SLC38A9: variants seen among roughly 807,000 people sequenced by gnomAD.
SLC38A9 encodes solute carrier family 38 member 9, also known as neutral amino acid transporter 9.
A neutral mutation model predicts 62.3 loss-of-function variants in SLC38A9; 48 were observed. The ratio of observed to expected loss-of-function variants is 0.77; its 90% CI spans 0.61 to 0.98. SLC38A9 has a LOEUF of 0.98. Among genes scored for constraint, SLC38A9 ranks in the 50% least tolerant of loss-of-function variants. The pLI is 0.00. For missense variants in SLC38A9, 541 were observed against 679.8 expected (o/e 0.80, Z 2.27); for synonymous variants, 204 against 227.7 (o/e 0.90, Z 0.94).
At chr5:55,656,176 T>A (rs554159151) in intron 9 of SLC38A9, among the ~76,000 whole-genome samples, 1 of 151,652 alleles carries the variant, frequency 6.6e-6, no homozygotes, top group East Asian at 1.9e-4. Flanking sequence ...AAATGTTGCC[T>A]AGCTCACATT....
At chr5:55,630,530 A>G (rs951730749) in intron 14 of SLC38A9, among the ~76,000 whole-genome samples, 4 of 152,062 alleles carry the variant, frequency 2.6e-5, no homozygotes, top group Non-Finnish European at 5.9e-5. Flanking sequence ...GGTGGCCAGG[A>G]TGGTCTCGAT....
intron 12 of SLC38A9, among the ~76,000 whole-genome samples, chr5:55,637,820 CA>C (rs139048269): frequency 0.049 from 7,428 of 152,200 alleles, 307 homozygotes; most frequent in African/African-American, 0.11. Flanking sequence ...AAACTAAGTG[CA>C]GCAAGGTTAC....
At chr5:55,691,938 G>A (rs1029051457) in intron 3 of SLC38A9, among the ~76,000 whole-genome samples, 1 of 152,180 alleles carries the variant, frequency 6.6e-6, no homozygotes, top group Non-Finnish European at 1.5e-5. Flanking sequence ...AAAAGGATAA[G>A]CGAACCATCA....
At chr5:55,643,218 C>T (rs1484616492) in intron 12 of SLC38A9, among the ~76,000 whole-genome samples, 1 of 152,196 alleles carries the variant, frequency 6.6e-6, no homozygotes, top group Non-Finnish European at 1.5e-5. Flanking sequence ...TACAGCTATA[C>T]ATTTCCCTGT....
At chr5:55,688,275 C>A (rs1285195182) in intron 3 of SLC38A9, among the ~76,000 whole-genome samples, 1 of 152,038 alleles carries the variant, frequency 6.6e-6, no homozygotes, top group African/African-American at 2.4e-5. Context: ...ATTGCTCTGG[C>A]CAGAACTTCC....
intron 12 of SLC38A9, among the ~76,000 whole-genome samples, chr5:55,643,227 G>A (rs1266627963): frequency 6.6e-6 from 1 of 152,144 alleles, no homozygotes. Flanking sequence ...ACATTTCCCT[G>A]TAAGCACTGC....
intron 3 of SLC38A9, among the ~76,000 whole-genome samples, chr5:55,688,709 T>G (rs79773949): frequency 7.9e-5 from 2 of 25,456 alleles, no homozygotes. Flanking sequence ...AGCAATTATT[T>G]TTAATACCCC....
At chr5:55,710,620 G>C (rs1757895756) in intron 2 of SLC38A9, among the ~76,000 whole-genome samples, 1 of 151,670 alleles carries the variant, frequency 6.6e-6, no homozygotes, top group Non-Finnish European at 1.5e-5. Context: ...TTTAGTTTTT[G>C]TTTTTGTTTT....
At chr5:55,662,034 A>G (rs1749663625) in intron 8 of SLC38A9, among the ~76,000 whole-genome samples, 1 of 152,182 alleles carries the variant, frequency 6.6e-6, no homozygotes, top group South Asian at 2.1e-4. Flanking sequence ...ACTTTCATAA[A>G]CTGTTGGCAG....
intron 12 of SLC38A9, among the ~76,000 whole-genome samples, chr5:55,639,028 G>C (rs950976693): frequency 6.6e-6 from 1 of 152,062 alleles, no homozygotes; most frequent in Admixed American, 6.5e-5. Flanking sequence ...CAAAAGAATA[G>C]AAATGATGGC....
At chr5:55,630,128 T>C (rs1165914866) in intron 14 of SLC38A9, among the ~76,000 whole-genome samples, 2 of 152,310 alleles carry the variant, frequency 1.3e-5, no homozygotes, top group East Asian at 1.9e-4. Flanking sequence ...TCCACAATTA[T>C]ATGAAAAAGC....
rs568996655 is a variant in SLC38A9 at position 55,652,707 on chromosome 5, G to T, written c.774C>A (p.Ala258=). 6.2e-7 allele frequency: 1 copy of T among 1,611,778 alleles called. No individual in the cohort carries two copies. Among genetic ancestry groups the T allele is most frequent in the Non-Finnish European group, 8.5e-7 (1 of 1,178,826 alleles). The change falls in exon 10 of 16, where the codon GCC becomes GCA. Residue 258 remains alanine (A), a synonymous_variant. Transcript: ENST00000396865. ...NNSNPVICPS[A]GSGGHPDNSS... ...TGTTGTCAGGATGGCCTCCACTCCC[G>T]GCACTTGGACAAATCACTGCAATAG...
chr5:55,650,667 C>A (rs1747226706), intron 10 of SLC38A9, among the ~76,000 whole-genome samples: 1 of 152,166 alleles, frequency 6.6e-6, no homozygotes, highest in Non-Finnish European at 1.5e-5. Context: ...TTCTGTGTGT[C>A]TATGGCAGCT....
intron 8 of SLC38A9, among the ~76,000 whole-genome samples, chr5:55,659,388 TTA>T (rs1749062909): frequency 6.8e-6 from 1 of 146,166 alleles, no homozygotes; most frequent in African/African-American, 2.5e-5. Context: ...GTTTTTTTTT[TTA>T]TTTTATTTTG....
In SLC38A9 at chr5:55,688,467, C is replaced by T. The variant is rs1754269410; in HGVS notation, c.113+9379G>A. Reference sequence around the variant, plus strand: ...CGATCCCGGCTCACTGCAAGCTCTGCCTCCCGGGTTCACACCATTCTCCTG... The same window carrying T: ...CGATCCCGGCTCACTGCAAGCTCTGTCTCCCGGGTTCACACCATTCTCCTG... On this transcript the variant is annotated intron_variant, in intron 3 of 15. Transcript: ENST00000396865. 4.1e-5 allele frequency among the ~76,000 whole-genome samples: 6 copies of T among 146,898 alleles called. No individual in the cohort carries two copies. In the Admixed American group the frequency reaches 4.2e-4, roughly 10 times the overall value.
rs778412855 is a variant in SLC38A9, at chr5:55,656,782, T to C, written c.698-8A>G. The C allele has an allele frequency of 5.5e-6, 8 of 1,461,372 alleles. No homozygotes were observed. The highest frequency in any genetic ancestry group is 7.6e-6 in the Non-Finnish European group (8 of 1,052,030). The allele number at this position is 1,461,372 out of a possible 1,614,324, so 90.5% of individuals were successfully genotyped here. A position where few individuals can be genotyped will look rare whatever the true frequency, so the allele number is the denominator to read the frequency against. ...TAATGTGATGAATAAAATCTAAAAA[T>C]AAAGGAAAAAATATAGTTTAACACT... On this transcript the variant is annotated splice_region_variant and splice_polypyrimidine_tract_variant and intron_variant, in intron 8 of 15. Coordinates refer to ENST00000396865, the MANE Select transcript of SLC38A9 (RefSeq NM_173514.4).
chr5:55,659,265 A>G (rs1333756031), intron 8 of SLC38A9, among the ~76,000 whole-genome samples: 1 of 133,952 alleles, frequency 7.5e-6, no homozygotes, highest in East Asian at 2.1e-4. Context: ...CCATCAATAT[A>G]TACATATAGA....
At position 55,626,591 on chromosome 5, in the gene SLC38A9, A is replaced by T. The variant is rs1742459117; in HGVS notation, c.1589T>A (p.Leu530His). ...CCATGTCAGACGCTCTTCTTGGTGGAGGGAAATTATATAGATGAGAGATGG... is the reference window on the plus strand; with the variant it reads ...CCATGTCAGACGCTCTTCTTGGTGGTGGGAAATTATATAGATGAGAGATGG... ...IYPSLIYIIS[L>H]HQEERLTWPK... The change falls in exon 16 of 16, where the codon CTC becomes CAC. Residue 530 changes from leucine (L) to histidine (H), a missense_variant. Coordinates refer to ENST00000396865, the MANE Select transcript of SLC38A9 (RefSeq NM_173514.4). 1 of 1,613,854 alleles carries T rather than the reference A, an allele frequency of 6.2e-7. No homozygotes were observed. Among genetic ancestry groups the T allele is most frequent in the Admixed American group, 1.7e-5 (1 of 59,988 alleles).
intron 12 of SLC38A9, among the ~76,000 whole-genome samples, chr5:55,642,485 G>C (rs1054134701): frequency 1.3e-5 from 2 of 152,164 alleles, no homozygotes; most frequent in African/African-American, 4.8e-5. Flanking sequence ...TCTGTTATTA[G>C]GGAGACTTTG....
Sources: gnomAD v4.1 joint callset for allele counts (sites outside exome capture counted in the v4.1 genomes callset) on GRCh38, gnomAD v4.1.1 for gene constraint, MANE v1.5 for transcripts, NCBI Gene and HGNC (gene_info 2026-07-23, HGNC 2026-07-21) for gene names.